Variants in GULP1 observed in about 807,000 individuals in gnomAD.
GULP1 encodes the protein GULP PTB domain containing engulfment adaptor 1.
Under a neutral mutation model 40.9 loss-of-function variants are expected in GULP1, and 19 were observed. The observed-to-expected ratio is 0.46, with a 90% CI of 0.32 to 0.68. The LOEUF is 0.68. GULP1 is among the 30% of genes least tolerant of loss of function. GULP1 has a pLI of 0.03. For synonymous variants in GULP1, 119 were observed against 117.6 expected, an observed-to-expected ratio of 1.01 and a Z score of -0.08; for missense variants, 312 against 362.2, an observed-to-expected ratio of 0.86 and a Z score of 1.12.
At position 188,383,895 on chromosome 2, in the gene GULP1, A is replaced by G. The variant is rs1401658065; in HGVS notation, c.-45+6A>G. On this transcript the variant is annotated splice_donor_region_variant and intron_variant, in intron 2 of 11. Coordinates refer to ENST00000409830, the MANE Select transcript of GULP1 (RefSeq NM_016315.4). ...CTATATTTGAGCATACCCAGGTAAG[A>G]ATAAATGATTGTTTATACATTTTCC... The G allele has an allele frequency of 6.6e-6, 1 of 152,208 alleles. No homozygotes were observed. Among genetic ancestry groups the G allele is most frequent in the African/African-American group, 2.4e-5 (1 of 41,458 alleles). 9.4% of individuals were successfully genotyped at this position (152,208 alleles called of 1,614,324 possible).
intron 4 of GULP1, among the ~76,000 whole-genome samples, chr2:188,486,129 TG>T (rs991672335): frequency 6.6e-6 from 1 of 151,962 alleles, no homozygotes; most frequent in Non-Finnish European, 1.5e-5. Context: ...GGATTGTAAA[TG>T]AATCCAACAG....
At chr2:188,413,337 C>T (rs2054163263) in intron 2 of GULP1, among the ~76,000 whole-genome samples, 1 of 152,140 alleles carries the variant, frequency 6.6e-6, no homozygotes, top group African/African-American at 2.4e-5. Context: ...TTCTCCACAT[C>T]CTCTCCAGCA....
intron 2 of GULP1, among the ~76,000 whole-genome samples, chr2:188,437,507 C>T (rs1398678100): frequency 6.6e-6 from 1 of 151,934 alleles, no homozygotes; most frequent in African/African-American, 2.4e-5. Flanking sequence ...AAAATGTATT[C>T]TTTAAAATAA....
chr2:188,344,380 T>TCAC (rs2043349073), intron 1 of GULP1, among the ~76,000 whole-genome samples: 2 of 152,010 alleles, frequency 1.3e-5, no homozygotes, highest in Non-Finnish European at 2.9e-5. Flanking sequence ...GTCTGGTGAG[T>TCAC]GGTGAGCTGG....
chr2:188,359,782 CTT>C (rs916307924), intron 1 of GULP1, among the ~76,000 whole-genome samples: 1 of 152,062 alleles, frequency 6.6e-6, no homozygotes, highest in South Asian at 2.1e-4. Context: ...AAGGAAAAGA[CTT>C]TGCTTTTTCA....
chr2:188,433,704 T>C (rs937241445), intron 2 of GULP1, among the ~76,000 whole-genome samples: 1 of 152,132 alleles, frequency 6.6e-6, no homozygotes, highest in African/African-American at 2.4e-5. Context: ...TGGGTGCCAA[T>C]TAATGCTGAT....
chr2:188,552,848 TATTC>T, intron 7 of GULP1, among the ~76,000 whole-genome samples: 1 of 150,438 alleles, frequency 6.6e-6, no homozygotes, highest in Admixed American at 6.6e-5. Flanking sequence ...TGGTTAAATT[TATTC>T]ATATATATAT....
chr2:188,395,554 G>A (rs1210853744), intron 2 of GULP1, among the ~76,000 whole-genome samples: 9 of 152,182 alleles, frequency 5.9e-5, no homozygotes, highest in Admixed American at 5.9e-4. Flanking sequence ...TCCCCACTGA[G>A]CCTGGCAGTG....
At chr2:188,495,518 G>T (rs1186227795) in intron 4 of GULP1, among the ~76,000 whole-genome samples, 1 of 151,982 alleles carries the variant, frequency 6.6e-6, no homozygotes, top group Non-Finnish European at 1.5e-5. Context: ...TAGTGATTAA[G>T]GGGTATTATG....
At chr2:188,406,979 AAGAC>A (rs1158673091) in intron 2 of GULP1, among the ~76,000 whole-genome samples, 1 of 152,156 alleles carries the variant, frequency 6.6e-6, no homozygotes, top group African/African-American at 2.4e-5. Context: ...GTGAAAATCA[AAGAC>A]AGAGAATCCT....
chr2:188,485,876 A>C (rs572936142), intron 4 of GULP1, among the ~76,000 whole-genome samples: 3 of 152,010 alleles, frequency 2.0e-5, no homozygotes, highest in Admixed American at 6.6e-5. Flanking sequence ...GAGCCATTCA[A>C]TTCACTGGAT....
chr2:188,353,075 TAATA>T (rs571740349), intron 1 of GULP1, among the ~76,000 whole-genome samples: 91 of 152,186 alleles, frequency 6.0e-4, no homozygotes, highest in Non-Finnish European at 1.0e-3. Flanking sequence ...ATTCATGGGA[TAATA>T]AATAAGTAGG....
intron 2 of GULP1, among the ~76,000 whole-genome samples, chr2:188,476,700 G>A (rs2061039136): frequency 6.6e-6 from 1 of 152,076 alleles, no homozygotes; most frequent in Non-Finnish European, 1.5e-5. Flanking sequence ...CTATCTTAAT[G>A]TCAATTCATG....
At chr2:188,409,225 A>G (rs1172050537) in intron 2 of GULP1, among the ~76,000 whole-genome samples, 1 of 152,160 alleles carries the variant, frequency 6.6e-6, no homozygotes, top group African/African-American at 2.4e-5. Context: ...TGAATCAACA[A>G]GCCTTTAAAC....
At chr2:188,524,649 T>C (rs1303360520) in intron 5 of GULP1, among the ~76,000 whole-genome samples, 2 of 151,100 alleles carry the variant, frequency 1.3e-5, no homozygotes, top group Non-Finnish European at 2.9e-5. Flanking sequence ...GAAGCTACAA[T>C]TCAAAGTATA....
At chr2:188,335,553 T>C (rs2042149304) in intron 1 of GULP1, among the ~76,000 whole-genome samples, 1 of 152,188 alleles carries the variant, frequency 6.6e-6, no homozygotes, top group Admixed American at 6.5e-5. Context: ...TAGCATCCTG[T>C]ATACATCACA....
At chr2:188,389,408 A>G (rs2050215830) in intron 2 of GULP1, among the ~76,000 whole-genome samples, 1 of 152,196 alleles carries the variant, frequency 6.6e-6, no homozygotes, top group African/African-American at 2.4e-5. Context: ...ACAAAAATAT[A>G]AATAAAAGAC....
At chr2:188,370,643 G>A (rs988925141) in intron 1 of GULP1, among the ~76,000 whole-genome samples, 2 of 152,096 alleles carry the variant, frequency 1.3e-5, no homozygotes, top group Non-Finnish European at 2.9e-5. Context: ...AAGTATTTGA[G>A]GCTATTTCAG....
chr2:188,365,771 T>G lies in GULP1; in HGVS notation c.-171-17992T>G, dbSNP rs988333674. On this transcript the variant is annotated intron_variant, in intron 1 of 11. Transcript: ENST00000409830. ...CCTATGTTATGGAACATACAGAGAT[T>G]GCCTGAAGGGGTGAGACAAGGGAAA... is the stretch of plus-strand genomic sequence containing the variant. Among the ~76,000 whole-genome samples, 3 of 152,176 alleles carry G rather than the reference T, an allele frequency of 2.0e-5. No homozygotes were observed. The East Asian group carries it at 5.8e-4, about 29-fold the overall frequency.
Sources: gnomAD v4.1 joint callset for allele counts (sites outside exome capture counted in the v4.1 genomes callset) on GRCh38, gnomAD v4.1.1 for gene constraint, MANE v1.5 for transcripts, NCBI Gene and HGNC (gene_info 2026-07-23, HGNC 2026-07-21) for gene names.